EGFR: variants seen among roughly 807,000 people sequenced by gnomAD.
EGFR encodes the protein epidermal growth factor receptor.
Under a neutral mutation model 143.0 loss-of-function variants are expected in EGFR, and 58 were observed. That is an observed-to-expected ratio of 0.41 (90% CI 0.33 to 0.50). EGFR has a LOEUF of 0.50. EGFR is among the 20% of genes least tolerant of loss of function. The pLI, the probability that EGFR is intolerant of heterozygous loss-of-function variation, is 0.39. For missense variants in EGFR, 1,307 were observed against 1,579.0 expected, an observed-to-expected ratio of 0.83 and a Z score of 2.92; for synonymous variants, 613 against 594.4, an observed-to-expected ratio of 1.03 and a Z score of -0.45.
rs904196066 is a variant in EGFR at position 55,200,194 on chromosome 7, T to A, written c.2849-122T>A. 6.2e-6 allele frequency: 6 copies of A among 971,024 alleles called. No individual in the cohort carries two copies. The African/African-American group carries it at 9.6e-5, about 16-fold the overall frequency. The allele number at this position is 971,024 out of a possible 1,614,324, so 60.2% of individuals were successfully genotyped here. On this transcript the variant is annotated intron_variant, in intron 23 of 27. Coordinates refer to ENST00000275493, the MANE Select transcript of EGFR (RefSeq NM_005228.5). The stretch of plus-strand genomic sequence containing the variant: ...GACAGAAAAGTCTACCACAAAGACT[T>A]GGTTCTTTCATCACTTATTTGACTG...
At chr7:55,199,111 A>G (rs1787741962) in intron 23 of EGFR, among the ~76,000 whole-genome samples, 1 of 152,248 alleles carries the variant, frequency 6.6e-6, no homozygotes, top group South Asian at 2.1e-4. Context: ...AGTCTTCCGC[A>G]AGCCATTACA....
Position 55,156,552 on chromosome 7 carries a change from T to G in EGFR, c.1026T>G (p.Ile342Met). ...PCRKVCNGIG[I>M]GEFKDSLSIN... is the part of the protein sequence containing the mutation. ...CTGCAGTGTGTAACGGAATAGGTAT[T>G]GGTGAATTTAAAGACTCACTCTCCA... The change falls in exon 9 of 28, where the codon ATT becomes ATG. Residue 342 changes from isoleucine to methionine, a missense_variant. This residue lies in a region of EGFR where 311 missense variants were observed against 412.3 expected (regional missense o/e 0.75). Transcript: ENST00000275493. 5 of 1,614,262 alleles carry G rather than the reference T, an allele frequency of 3.1e-6. No individual in the cohort carries two copies. Among genetic ancestry groups the G allele is most frequent in the Non-Finnish European group, 4.2e-6 (5 of 1,180,044 alleles).
intron 1 of EGFR, among the ~76,000 whole-genome samples, chr7:55,027,729 G>T (rs1165967194): frequency 6.6e-6 from 1 of 151,952 alleles, no homozygotes; most frequent in East Asian, 1.9e-4. Flanking sequence ...TGAAACAAAA[G>T]TTTGCACAGT....
intron 1 of EGFR, among the ~76,000 whole-genome samples, chr7:55,104,403 T>C (rs1001873135): frequency 2.6e-5 from 4 of 152,194 alleles, no homozygotes; most frequent in Admixed American, 2.0e-4. Context: ...TGGAGCCCCA[T>C]GGATTCTGAG....
intron 1 of EGFR, among the ~76,000 whole-genome samples, chr7:55,120,448 G>A (rs148204640): frequency 4.6e-5 from 7 of 152,338 alleles, no homozygotes; most frequent in African/African-American, 7.2e-5. Flanking sequence ...GTTAACTCTT[G>A]TTAGTAGAGA....
At chr7:55,078,776 C>T (rs888472834) in intron 1 of EGFR, among the ~76,000 whole-genome samples, 17 of 152,272 alleles carry the variant, frequency 1.1e-4, no homozygotes, top group African/African-American at 3.6e-4. Context: ...TTGGGCAGCC[C>T]GCGGATCCTG....
In EGFR at chr7:55,042,441, G is replaced by A. The variant is rs775020129; in HGVS notation, c.88+23076G>A. Reference sequence around the variant, plus strand: ...TTAAAGAAAGAAAATGGAATTTCACGGACAAGAAAATCCATGTCCATTTGG... The same window carrying A: ...TTAAAGAAAGAAAATGGAATTTCACAGACAAGAAAATCCATGTCCATTTGG... On this transcript the variant is annotated intron_variant, in intron 1 of 27. Coordinates refer to ENST00000275493, the MANE Select transcript of EGFR (RefSeq NM_005228.5). Among the ~76,000 whole-genome samples the A allele has an allele frequency of 5.3e-5, 8 of 152,248 alleles. No individual in the cohort carries two copies. In the East Asian group the frequency reaches 5.8e-4, roughly 11 times the overall value.
Position 55,019,428 on chromosome 7 carries a change from G to C in EGFR, c.88+63G>C, listed in dbSNP as rs17335724. 2.6e-3 allele frequency: 2,841 copies of C among 1,097,554 alleles called. 58 individuals are homozygous for C. The African/African-American group carries it at 0.043, about 17-fold the overall frequency. 68.0% of individuals were successfully genotyped at this position (1,097,554 alleles called of 1,614,324 possible). A position where few individuals can be genotyped will look rare whatever the true frequency, so the allele number is the denominator to read the frequency against. On this transcript the variant is annotated intron_variant, in intron 1 of 27. Coordinates refer to ENST00000275493, the MANE Select transcript of EGFR (RefSeq NM_005228.5). ...GATCGCGCCCCGGACCCCGCAGCCCGCCCAACCGCGCACCGGCGCACCGGC... is the reference window on the plus strand; with the variant it reads ...GATCGCGCCCCGGACCCCGCAGCCCCCCCAACCGCGCACCGGCGCACCGGC...
rs1484519834 is a variant in EGFR, at chr7:55,207,871, T to C, written c.*2254T>C. On this transcript the variant is annotated 3_prime_UTR_variant, in exon 28 of 28. Coordinates refer to ENST00000275493, the MANE Select transcript of EGFR (RefSeq NM_005228.5). ...AGAATCTGAGATTTTATATTGTCAG[T>C]TAACCACTTTCATTATTCATTCACC... The C allele has an allele frequency of 1.3e-5, 2 of 152,208 alleles. No individual in the cohort carries two copies. Among genetic ancestry groups the C allele is most frequent in the East Asian group, 1.9e-4 (1 of 5,198 alleles). 9.4% of individuals were successfully genotyped at this position (152,208 alleles called of 1,614,324 possible). A position where few individuals can be genotyped will look rare whatever the true frequency, so the allele number is the denominator to read the frequency against.
chr7:55,038,768 C>T (rs1397526514), intron 1 of EGFR, among the ~76,000 whole-genome samples: 1 of 152,110 alleles, frequency 6.6e-6, no homozygotes, highest in African/African-American at 2.4e-5. Context: ...GTATGTAAAC[C>T]TCACCTTGCA....
At chr7:55,194,006 G>A (rs183922806) in intron 22 of EGFR, among the ~76,000 whole-genome samples, 2 of 152,244 alleles carry the variant, frequency 1.3e-5, no homozygotes, top group Admixed American at 6.5e-5. Flanking sequence ...GAACAGATAA[G>A]GAAATAAAGG....
intron 19 of EGFR, chr7:55,181,021 T>A: frequency 3.5e-6 from 2 of 566,064 alleles, no homozygotes; most frequent in Non-Finnish European, 6.4e-6. Flanking sequence ...CTTTATCCAA[T>A]GTGCTCCTCA....
chr7:55,152,927 C>T (rs1421159966), intron 6 of EGFR, among the ~76,000 whole-genome samples: 1 of 152,244 alleles, frequency 6.6e-6, no homozygotes, highest in Non-Finnish European at 1.5e-5. Flanking sequence ...CAGTTGAATG[C>T]TTAAATGATG....
chr7:55,086,813 C>A (rs1022437882), intron 1 of EGFR, among the ~76,000 whole-genome samples: 3 of 152,240 alleles, frequency 2.0e-5, no homozygotes, highest in African/African-American at 7.2e-5. Flanking sequence ...TCTTCCTCTT[C>A]TTGTTTTCCC....
chr7:55,069,856 C>A (rs986785187), intron 1 of EGFR, among the ~76,000 whole-genome samples: 1 of 152,138 alleles, frequency 6.6e-6, no homozygotes, highest in Admixed American at 6.5e-5. Flanking sequence ...AGTGTGATAA[C>A]CCACTAATCA....
At position 55,170,560 on chromosome 7, in the gene EGFR, G is replaced by C. The variant is rs17290225; in HGVS notation, c.1881-615G>C. Reference sequence around the variant, plus strand: ...CTGCCACTGAGCCTCATGCCTTCACGTGTCTGTTCCCCCCGCTTTTCCTTT... The same window carrying C: ...CTGCCACTGAGCCTCATGCCTTCACCTGTCTGTTCCCCCCGCTTTTCCTTT... On this transcript the variant is annotated intron_variant, in intron 15 of 27. Coordinates refer to ENST00000275493, the MANE Select transcript of EGFR (RefSeq NM_005228.5). 1.2e-4 allele frequency: 196 copies of C among 1,612,372 alleles called. 1 individual carries two copies. Among genetic ancestry groups the C allele is most frequent in the South Asian group, 9.3e-4 (85 of 91,066 alleles).
chr7:55,136,508 A>G (rs1392482706), intron 1 of EGFR, among the ~76,000 whole-genome samples: 2 of 152,116 alleles, frequency 1.3e-5, no homozygotes, highest in African/African-American at 4.8e-5. Context: ...TATAAATCCA[A>G]CATGTGTGTG....
intron 1 of EGFR, among the ~76,000 whole-genome samples, chr7:55,116,530 AACACATACAC>A (rs1792854596): frequency 9.8e-6 from 1 of 101,562 alleles, no homozygotes; most frequent in African/African-American, 3.1e-5. Flanking sequence ...ATTCAAAAAA[AACACATACAC>A]ACACACACAC....
chr7:55,091,393 G>C (rs1791100353), intron 1 of EGFR, among the ~76,000 whole-genome samples: 1 of 152,202 alleles, frequency 6.6e-6, no homozygotes, highest in Non-Finnish European at 1.5e-5. Context: ...AGATGTGTAA[G>C]TCAAAGATTT....
Sources: gnomAD v4.1 joint callset for allele counts (sites outside exome capture counted in the v4.1 genomes callset) on GRCh38, gnomAD v4.1.1 for gene constraint, gnomAD v4.1.1 regional missense constraint, MANE v1.5 for transcripts, NCBI Gene and HGNC (gene_info 2026-07-23, HGNC 2026-07-21) for gene names.